Variants in LRFN5 observed in about 807,000 individuals in gnomAD.
The protein encoded by LRFN5 is leucine-rich repeat and fibronectin type-III domain-containing protein 5.
A neutral mutation model predicts 45.6 loss-of-function variants in LRFN5; 24 were observed. The ratio of observed to expected loss-of-function variants is 0.53; its 90% CI spans 0.38 to 0.74. The LOEUF (loss-of-function observed/expected upper bound fraction) is 0.74. Ranked by LOEUF, LRFN5 falls within the 30% of genes least tolerant of loss-of-function variation. The pLI, the probability that LRFN5 is intolerant of heterozygous loss-of-function variation, is 0.00. For synonymous variants in LRFN5, 340 were observed against 313.8 expected (o/e 1.08, Z -0.88); for missense variants, 776 against 861.5 (o/e 0.90, Z 1.24).
At chr14:41,673,809 C>A (rs1881397255) in intron 1 of LRFN5, among the ~76,000 whole-genome samples, 2 of 148,346 alleles carry the variant, frequency 1.3e-5, no homozygotes, top group East Asian at 2.1e-4. Flanking sequence ...TGACCCCCCC[C>A]ACCTCATTCC....
chr14:41,768,294 A>G (rs1054966224), intron 2 of LRFN5, among the ~76,000 whole-genome samples: 3 of 152,176 alleles, frequency 2.0e-5, no homozygotes, highest in Non-Finnish European at 2.9e-5. Context: ...AAGGTGGTGT[A>G]GAAGGACTAC....
At chr14:41,841,016 G>T (rs942656732) in intron 2 of LRFN5, among the ~76,000 whole-genome samples, 1 of 151,552 alleles carries the variant, frequency 6.6e-6, no homozygotes, top group Non-Finnish European at 1.5e-5. Flanking sequence ...CTATTCAAGA[G>T]ATCTGTGTGT....
At chr14:41,615,459 G>A (rs1887897612) in intron 1 of LRFN5, among the ~76,000 whole-genome samples, 2 of 152,076 alleles carry the variant, frequency 1.3e-5, no homozygotes, top group Admixed American at 6.6e-5. Context: ...GTTTGGGACA[G>A]TTTTCTGTAT....
intron 1 of LRFN5, among the ~76,000 whole-genome samples, chr14:41,665,945 T>C (rs1201147714): frequency 6.6e-6 from 1 of 152,066 alleles, no homozygotes; most frequent in Non-Finnish European, 1.5e-5. Context: ...TTACTAACTT[T>C]GTTGTCAAGG....
chr14:41,619,613 T>A (rs531714050), intron 1 of LRFN5, among the ~76,000 whole-genome samples: 1 of 152,190 alleles, frequency 6.6e-6, no homozygotes, highest in South Asian at 2.1e-4. Context: ...AGATAGGTAA[T>A]GTGTGGTATG....
At chr14:41,828,818 A>T (rs1273423727) in intron 2 of LRFN5, among the ~76,000 whole-genome samples, 2 of 152,062 alleles carry the variant, frequency 1.3e-5, no homozygotes, top group Middle Eastern at 3.4e-3. Flanking sequence ...TTTTTCTTAA[A>T]GTTGAAAATG....
intron 2 of LRFN5, among the ~76,000 whole-genome samples, chr14:41,852,339 C>T (rs1889298796): frequency 6.6e-6 from 1 of 151,754 alleles, no homozygotes; most frequent in African/African-American, 2.4e-5. Context: ...TTATCACTAC[C>T]ATCAACATTA....
intron 1 of LRFN5, among the ~76,000 whole-genome samples, chr14:41,684,508 CA>C (rs1307007706): frequency 1.3e-5 from 2 of 152,126 alleles, no homozygotes; most frequent in Non-Finnish European, 2.9e-5. Flanking sequence ...ACCTCACTAT[CA>C]CAAGACAGCA....
chr14:41,664,326 T>G (rs1182057659), intron 1 of LRFN5, among the ~76,000 whole-genome samples: 1 of 152,028 alleles, frequency 6.6e-6, no homozygotes, highest in Non-Finnish European at 1.5e-5. Flanking sequence ...TGACACAGGA[T>G]ATTGCTTATA....
intron 2 of LRFN5, among the ~76,000 whole-genome samples, chr14:41,834,418 T>G (rs1181668122): frequency 6.6e-6 from 1 of 152,198 alleles, no homozygotes; most frequent in Non-Finnish European, 1.5e-5. Flanking sequence ...GAATGAGATC[T>G]GTATTTACTT....
At chr14:41,893,632 C>T (rs1890852713) in intron 4 of LRFN5, 1 of 985,126 alleles carries the variant, frequency 1.0e-6, no homozygotes, top group Non-Finnish European at 1.2e-6. Context: ...GAAGCATATA[C>T]AACAATTTCA....
intron 2 of LRFN5, among the ~76,000 whole-genome samples, chr14:41,804,346 A>T (rs1887445825): frequency 6.6e-6 from 1 of 152,120 alleles, no homozygotes; most frequent in African/African-American, 2.4e-5. Context: ...CCACAGGACA[A>T]GTTGGCAGAT....
chr14:41,664,200 T>A (rs1880789960), intron 1 of LRFN5, among the ~76,000 whole-genome samples: 1 of 152,092 alleles, frequency 6.6e-6, no homozygotes, highest in Admixed American at 6.6e-5. Flanking sequence ...GGGAAGTTGC[T>A]AAATTTTATG....
rs1386744886 is a variant in LRFN5 at position 41,795,718 on chromosome 14, T to C, written c.-21+28689T>C. 4.0e-5 allele frequency among the ~76,000 whole-genome samples: 6 copies of C among 151,662 alleles called. No individual in the cohort carries two copies. In the East Asian group the frequency reaches 7.8e-4, roughly 20 times the overall value. Reference sequence around the variant, plus strand: ...ACATGTTCTCACTCATAGGTGGGAATTGAACAATGAAAACACTTGGACACA... The same window carrying C: ...ACATGTTCTCACTCATAGGTGGGAACTGAACAATGAAAACACTTGGACACA... On this transcript the variant is annotated intron_variant, in intron 2 of 5. Coordinates refer to ENST00000298119, the MANE Select transcript of LRFN5 (RefSeq NM_152447.5).
chr14:41,890,995 T>G (rs1374631879), intron 3 of LRFN5, among the ~76,000 whole-genome samples: 2 of 152,142 alleles, frequency 1.3e-5, no homozygotes, highest in Non-Finnish European at 2.9e-5. Flanking sequence ...TTATTAGGAG[T>G]TCTCCTTTGC....
intron 3 of LRFN5, among the ~76,000 whole-genome samples, chr14:41,890,081 C>G (rs528561729): frequency 2.0e-5 from 3 of 152,066 alleles, no homozygotes; most frequent in Non-Finnish European, 4.4e-5. Context: ...TCAGGCTGGT[C>G]TCAAACTCCT....
chr14:41,704,437 T>TGTGTG (rs1882970896), intron 1 of LRFN5, among the ~76,000 whole-genome samples: 1 of 77,132 alleles, frequency 1.3e-5, no homozygotes, highest in Non-Finnish European at 2.9e-5. Flanking sequence ...TCTCTCTCTC[T>TGTGTG]CTCTCTCTCT....
intron 1 of LRFN5, among the ~76,000 whole-genome samples, chr14:41,694,295 A>G (rs900767169): frequency 1.3e-5 from 2 of 151,988 alleles, no homozygotes; most frequent in African/African-American, 2.4e-5. Flanking sequence ...CCTTCTATCT[A>G]GCTGAAACTT....
At chr14:41,784,240 T>C (rs1320562990) in intron 2 of LRFN5, among the ~76,000 whole-genome samples, 1 of 152,164 alleles carries the variant, frequency 6.6e-6, no homozygotes, top group East Asian at 1.9e-4. Flanking sequence ...CACTTTATTA[T>C]ATTACTCTAT....
Sources: gnomAD v4.1 joint callset for allele counts (sites outside exome capture counted in the v4.1 genomes callset) on GRCh38, gnomAD v4.1.1 for gene constraint, MANE v1.5 for transcripts, NCBI Gene and HGNC (gene_info 2026-07-23, HGNC 2026-07-21) for gene names.